The following PPIH variants were observed in gnomAD, a reference collection of about 807,000 sequenced individuals.
PPIH encodes the protein peptidylprolyl isomerase H, also known as peptidyl-prolyl cis-trans isomerase H.
Under a neutral mutation model 27.6 loss-of-function variants are expected in PPIH, and 16 were observed. The ratio of observed to expected loss-of-function variants is 0.58; its 90% CI spans 0.39 to 0.88. PPIH has a LOEUF of 0.88. Among genes scored for constraint, PPIH ranks in the 40% least tolerant of loss-of-function variants. The pLI is 0.00. For synonymous variants in PPIH, 63 were observed against 76.1 expected, an observed-to-expected ratio of 0.83 and a Z score of 0.90; for missense variants, 155 against 224.1, an observed-to-expected ratio of 0.69 and a Z score of 1.97.
At chr1:42,670,822 G>A (rs896759849) in intron 9 of PPIH, among the ~76,000 whole-genome samples, 2 of 152,146 alleles carry the variant, frequency 1.3e-5, no homozygotes, top group Admixed American at 1.3e-4. Context: ...TTGAGATGGA[G>A]TCTCGCTCTG....
intron 9 of PPIH, among the ~76,000 whole-genome samples, chr1:42,667,761 G>A (rs1649421773): frequency 6.6e-6 from 1 of 152,222 alleles, no homozygotes; most frequent in Non-Finnish European, 1.5e-5. Flanking sequence ...TCAGACTACA[G>A]TTCCATTCAG....
Position 42,672,936 on chromosome 1 carries a change from A to G in PPIH, c.*22-3648A>G, listed in dbSNP as rs529742410. ...AGTACTGGGATTACAGGCGTGAGCC[A>G]CCATGCCTGGTCTGTACAACTTTAG... On this transcript the variant is annotated intron_variant, in intron 9 of 9. Transcript: ENST00000304979. Among the ~76,000 whole-genome samples, 6 of 152,026 alleles carry G rather than the reference A, an allele frequency of 3.9e-5. No individual in the cohort carries two copies. In the East Asian group the frequency reaches 9.7e-4, roughly 25 times the overall value.
chr1:42,671,793 A>C (rs1276449524), intron 9 of PPIH, among the ~76,000 whole-genome samples: 1 of 152,186 alleles, frequency 6.6e-6, no homozygotes, highest in Non-Finnish European at 1.5e-5. Flanking sequence ...AAGAAAAATT[A>C]ATGAAAGAGG....
intron 2 of PPIH, 28 bp from the exon 3 acceptor site, chr1:42,659,200 T>A (rs1648857260): frequency 6.2e-7 from 1 of 1,614,132 alleles, no homozygotes; most frequent in South Asian, 1.1e-5. Flanking sequence ...TCATAGTGAT[T>A]GAATCATTCA....
intron 5 of PPIH, among the ~76,000 whole-genome samples, chr1:42,662,533 G>A (rs1446970533): frequency 2.0e-5 from 3 of 151,474 alleles, no homozygotes; most frequent in East Asian, 1.9e-4. Context: ...CAGCCTGGGC[G>A]ACAGAGCAAG....
chr1:42,658,587 A>G (rs1648790997), intron 1 of PPIH, 75 bp downstream of exon 1: 1 of 1,497,912 alleles, frequency 6.7e-7, no homozygotes, highest in Non-Finnish European at 9.2e-7. Flanking sequence ...ACTCACCCAG[A>G]GAGAGCGGAC....
downstream of PPIH, among the ~76,000 whole-genome samples, chr1:42,679,089 G>A (rs998369636): frequency 2.0e-5 from 3 of 152,236 alleles, no homozygotes; most frequent in Admixed American, 1.3e-4. Flanking sequence ...CAGCTGGATG[G>A]TGTGAGCTCC....
At chr1:42,678,692 C>T (rs1047138622), downstream of PPIH, 1 of 152,352 alleles carries the variant, frequency 6.6e-6, no homozygotes, top group African/African-American at 2.4e-5. Flanking sequence ...AGCCACCACG[C>T]CTCGCCGATC....
intron 9 of PPIH, among the ~76,000 whole-genome samples, chr1:42,672,129 C>T (rs373161594): frequency 6.6e-6 from 1 of 152,060 alleles, no homozygotes; most frequent in Non-Finnish European, 1.5e-5. Context: ...ATGATCCATC[C>T]GCCTCGGACT....
At chr1:42,675,187 GT>G (rs1649823924) in intron 9 of PPIH, 1 of 152,218 alleles carries the variant, frequency 6.6e-6, no homozygotes, top group African/African-American at 2.4e-5. Flanking sequence ...AGACTTTTCA[GT>G]TGCCTTATTT....
downstream of PPIH, among the ~76,000 whole-genome samples, chr1:42,677,857 G>A (rs1649934907): frequency 6.6e-6 from 1 of 152,174 alleles, no homozygotes; most frequent in African/African-American, 2.4e-5. Context: ...GTTCCCTGAT[G>A]TTTCTTTCAT....
At chr1:42,663,890 G>A (rs1233125774) in intron 5 of PPIH, among the ~76,000 whole-genome samples, 1 of 152,040 alleles carries the variant, frequency 6.6e-6, no homozygotes, top group South Asian at 2.1e-4. Context: ...ACTAACTGGC[G>A]AGGAGAGCTT....
downstream of PPIH, chr1:42,681,419 C>T (rs1557525462): frequency 6.6e-6 from 1 of 152,172 alleles, no homozygotes; most frequent in Non-Finnish European, 1.5e-5. Context: ...GTTTAAATTT[C>T]TGCCTCCATC....
chr1:42,676,070 T>C (rs1347303793), intron 9 of PPIH, among the ~76,000 whole-genome samples: 1 of 152,238 alleles, frequency 6.6e-6, no homozygotes, highest in Non-Finnish European at 1.5e-5. Context: ...CCTGGTTCTT[T>C]TGTAATTTAC....
chr1:42,658,714 G>C, intron 1 of PPIH, 130 bp from the exon 2 acceptor site: 1 of 1,189,950 alleles, frequency 8.4e-7, no homozygotes, highest in South Asian at 1.4e-5. Context: ...GGAACTGGGC[G>C]GTTAGACTAG....
chr1:42,662,036 G>C (rs1649053525), intron 5 of PPIH, among the ~76,000 whole-genome samples: 1 of 152,130 alleles, frequency 6.6e-6, no homozygotes, highest in Admixed American at 6.5e-5. Flanking sequence ...GTGGGCATTT[G>C]TTTGCAGCCC....
At chr1:42,661,218 A>G (rs1327629142) in intron 5 of PPIH, among the ~76,000 whole-genome samples, 2 of 152,364 alleles carry the variant, frequency 1.3e-5, no homozygotes, top group Non-Finnish European at 1.5e-5. Flanking sequence ...CTAATTAGTC[A>G]TATGAAACTT....
chr1:42,667,332 A>G lies in PPIH; in HGVS notation c.466-19A>G. On this transcript the variant is annotated intron_variant, in intron 8 of 9. Transcript: ENST00000304979. Reference sequence around the variant, plus strand: ...GAAGTGCCTGAGTGGATGAATCTCCATTGTGCTTTTTTTCCTAGAATGTTC... The same window carrying G: ...GAAGTGCCTGAGTGGATGAATCTCCGTTGTGCTTTTTTTCCTAGAATGTTC... The G allele has an allele frequency of 3.2e-6, 5 of 1,575,624 alleles. No homozygotes were observed. In the South Asian group the frequency reaches 4.4e-5, roughly 14 times the overall value.
chr1:42,664,676 T>C (rs1649233077), intron 5 of PPIH, among the ~76,000 whole-genome samples, 187 bp from the exon 6 acceptor site: 1 of 152,206 alleles, frequency 6.6e-6, no homozygotes, highest in African/African-American at 2.4e-5. Context: ...CTTTGTGGGC[T>C]GTAGGTACCT....
Sources: allele counts gnomAD v4.1 joint callset (sites outside exome capture counted in the v4.1 genomes callset), GRCh38; gene constraint gnomAD v4.1.1; transcripts MANE v1.5; gene names NCBI Gene and HGNC (gene_info 2026-07-23, HGNC 2026-07-21).